The following TASP1 variants were observed in gnomAD, a reference collection of about 807,000 sequenced individuals.
TASP1 encodes threonine aspartase 1.
In TASP1, 16 loss-of-function variants were observed where a neutral mutation model predicts 56.6. The ratio of observed to expected loss-of-function variants is 0.28; its 90% confidence interval spans 0.19 to 0.43. TASP1 has a LOEUF of 0.43. Ranked by LOEUF, TASP1 falls within the 20% of genes least tolerant of loss-of-function variation. The pLI, the probability that TASP1 is intolerant of heterozygous loss-of-function variation, is 1.00. For synonymous variants in TASP1, 179 were observed against 184.2 expected (o/e 0.97, Z 0.23); for missense variants, 393 against 511.6 (o/e 0.77, Z 2.24).
the TASP1 span, among the ~76,000 whole-genome samples, chr20:13,356,806 C>A: frequency 1.3e-5 from 2 of 152,200 alleles, no homozygotes; most frequent in East Asian, 1.9e-4. Context: ...TTCCACAATA[C>A]CACCAAGAGT....
chr20:13,417,813 C>A (rs1316448842), intron 12 of TASP1, among the ~76,000 whole-genome samples: 1 of 152,090 alleles, frequency 6.6e-6, no homozygotes, highest in Non-Finnish European at 1.5e-5. Flanking sequence ...CACACTCGTA[C>A]ATACGGTACA....
the TASP1 span, among the ~76,000 whole-genome samples, chr20:13,186,100 CACTAGCATGATAGT>C: frequency 6.6e-6 from 1 of 152,114 alleles, no homozygotes; most frequent in African/African-American, 2.4e-5. Context: ...GCTCAGTGTA[CACTAGCATGATAGT>C]GAGAAACTCC....
At chr20:13,194,290 AACATAATTTAGGTGAAT>A in the TASP1 span, among the ~76,000 whole-genome samples, 399 of 152,208 alleles carry the variant, frequency 2.6e-3, 4 homozygotes, top group African/African-American at 9.2e-3. Flanking sequence ...CAAGGGAAAA[AACATAATTTAGGTGAAT>A]ACATTGTGCA....
intron 12 of TASP1, among the ~76,000 whole-genome samples, chr20:13,420,862 T>C (rs893771137): frequency 1.3e-5 from 2 of 152,210 alleles, no homozygotes; most frequent in African/African-American, 2.4e-5. Context: ...TGGTATTTCA[T>C]TGTTATATTA....
At chr20:13,136,586 T>C in the TASP1 span, among the ~76,000 whole-genome samples, 1 of 147,154 alleles carries the variant, frequency 6.8e-6, no homozygotes, top group Non-Finnish European at 1.5e-5. Context: ...GGCAACAGAG[T>C]GAGACCTCAT....
chr20:13,358,454 G>A, the TASP1 span, among the ~76,000 whole-genome samples: 1 of 152,114 alleles, frequency 6.6e-6, no homozygotes, highest in Admixed American at 6.6e-5. Context: ...CCAGCCCAAG[G>A]AACATCTCAC....
the TASP1 span, among the ~76,000 whole-genome samples, chr20:13,267,511 G>A: frequency 6.6e-6 from 1 of 152,168 alleles, no homozygotes; most frequent in African/African-American, 2.4e-5. Context: ...ATCCTGCGGG[G>A]AGGGTACAGG....
At chr20:13,516,163 C>A (rs1270892291) in intron 10 of TASP1, among the ~76,000 whole-genome samples, 1 of 152,074 alleles carries the variant, frequency 6.6e-6, no homozygotes, top group Non-Finnish European at 1.5e-5. Context: ...CAGCCCTGTG[C>A]CATAAAAGGC....
chr20:13,189,468 A>G, the TASP1 span, among the ~76,000 whole-genome samples: 1 of 152,214 alleles, frequency 6.6e-6, no homozygotes, highest in Admixed American at 6.5e-5. Context: ...AGAGAAAAAC[A>G]TCACCATTAA....
At chr20:13,136,627 T>A in the TASP1 span, among the ~76,000 whole-genome samples, 1 of 144,826 alleles carries the variant, frequency 6.9e-6, no homozygotes, top group East Asian at 2.0e-4. Flanking sequence ...ATAATATACA[T>A]ATAAAAATTA....
chr20:13,318,439 C>T, the TASP1 span, among the ~76,000 whole-genome samples: 49 of 152,096 alleles, frequency 3.2e-4, no homozygotes, highest in Admixed American at 2.6e-4. Context: ...TGAAATTAAA[C>T]GTACGCTTAC....
the TASP1 span, among the ~76,000 whole-genome samples, chr20:13,290,346 T>G: frequency 6.6e-6 from 1 of 152,124 alleles, no homozygotes. Context: ...GGTAAAAAGA[T>G]GAGGCAAAAG....
the TASP1 span, chr20:13,245,453 C>T: frequency 6.6e-6 from 1 of 152,320 alleles, no homozygotes; most frequent in South Asian, 2.1e-4. Context: ...GTTTGCCATA[C>T]CCTATTTGTC....
the TASP1 span, among the ~76,000 whole-genome samples, chr20:13,176,818 C>T: frequency 1.3e-5 from 2 of 152,142 alleles, no homozygotes; most frequent in African/African-American, 4.8e-5. Flanking sequence ...ATATGAACAA[C>T]AAACTAGCTG....
the TASP1 span, among the ~76,000 whole-genome samples, chr20:13,306,564 C>CAAAAAAAAAAAAA: frequency 2.3e-4 from 15 of 63,908 alleles, 1 homozygote; most frequent in African/African-American, 2.9e-4. Flanking sequence ...GGAGAAAGGA[C>CAAAAAAAAAAAAA]AAAAAAAAAA....
intron 10 of TASP1, among the ~76,000 whole-genome samples, chr20:13,499,721 C>A (rs1423075706): frequency 6.6e-6 from 1 of 151,556 alleles, no homozygotes; most frequent in African/African-American, 2.4e-5. Context: ...TTGAGAATTT[C>A]TCCTGTGAAA....
At chr20:13,538,025 A>C (rs1963182) in intron 8 of TASP1, among the ~76,000 whole-genome samples, 5 of 148,150 alleles carry the variant, frequency 3.4e-5, no homozygotes, top group African/African-American at 1.2e-4. Context: ...TTTTTGAGAC[A>C]GAATTTCGCT....
At chr20:13,482,432 A>G (rs751119779) in intron 11 of TASP1, among the ~76,000 whole-genome samples, 33 of 152,030 alleles carry the variant, frequency 2.2e-4, no homozygotes, top group Non-Finnish European at 3.4e-4. Flanking sequence ...TGTTTTTTCT[A>G]TTTCAGAAGA....
At chr20:13,314,716 G>T in the TASP1 span, among the ~76,000 whole-genome samples, 1 of 152,062 alleles carries the variant, frequency 6.6e-6, no homozygotes, top group South Asian at 2.1e-4. Flanking sequence ...GAATAGTGAA[G>T]GTAAAACAAA....
Sources: gnomAD v4.1 joint callset for allele counts (sites outside exome capture counted in the v4.1 genomes callset) on GRCh38, gnomAD v4.1.1 for gene constraint, MANE v1.5 for transcripts, NCBI Gene and HGNC (gene_info 2026-07-23, HGNC 2026-07-21) for gene names.